The following HPSE2 variants were observed in gnomAD, a reference collection of about 807,000 sequenced individuals.
The protein encoded by HPSE2 is inactive heparanase-2.
Under a neutral mutation model 60.5 loss-of-function variants are expected in HPSE2, and 38 were observed. The observed-to-expected ratio is 0.63, with a 90% CI of 0.48 to 0.82. The LOEUF is 0.82. Ranked by LOEUF, HPSE2 falls within the 40% of genes least tolerant of loss-of-function variation. The pLI, the probability that HPSE2 is intolerant of heterozygous loss-of-function variation, is 0.00. For synonymous variants in HPSE2, 295 were observed against 293.2 expected (o/e 1.01, Z -0.06); for missense variants, 713 against 740.4 (o/e 0.96, Z 0.43).
intron 9 of HPSE2, among the ~76,000 whole-genome samples, chr10:98,539,483 T>A (rs912873060): frequency 1.3e-5 from 2 of 152,116 alleles, no homozygotes; most frequent in Non-Finnish European, 2.9e-5. Flanking sequence ...ATCACGCCAT[T>A]GCACTCCAGG....
chr10:98,778,468 G>A (rs1419407051), intron 3 of HPSE2, among the ~76,000 whole-genome samples: 4 of 152,154 alleles, frequency 2.6e-5, no homozygotes, highest in South Asian at 2.1e-4. Context: ...CAGTTAGTGC[G>A]GGATGTGAGG....
At chr10:98,568,618 T>C (rs1228588683) in intron 9 of HPSE2, among the ~76,000 whole-genome samples, 2 of 152,258 alleles carry the variant, frequency 1.3e-5, no homozygotes, top group Non-Finnish European at 2.9e-5. Flanking sequence ...AAACCCTGGT[T>C]GACTTCTCTT....
chr10:98,512,099 G>C (rs907504377), intron 9 of HPSE2, among the ~76,000 whole-genome samples: 1 of 152,242 alleles, frequency 6.6e-6, no homozygotes, highest in African/African-American at 2.4e-5. Context: ...GGATGCCAGA[G>C]CTAATGTGTG....
rs182893974 is a variant in HPSE2, at chr10:98,555,090, T to C, written c.1320+59814A>G. Reference sequence around the variant, plus strand: ...TTAAAATAACTTCCTATGCCACTAATGGCACATAGTCCATGCTTTAGGAGG... The same window carrying C: ...TTAAAATAACTTCCTATGCCACTAACGGCACATAGTCCATGCTTTAGGAGG... On this transcript the variant is annotated intron_variant, in intron 9 of 11. Coordinates refer to ENST00000370552, the MANE Select transcript of HPSE2 (RefSeq NM_021828.5). Among the ~76,000 whole-genome samples, 259 of 152,348 alleles carry C rather than the reference T, an allele frequency of 1.7e-3. 1 individual carries two copies. The highest frequency in any genetic ancestry group is 6.1e-3 in the African/African-American group (252 of 41,588).
intron 3 of HPSE2, among the ~76,000 whole-genome samples, chr10:98,804,507 A>G (rs1950995225): frequency 6.6e-6 from 1 of 152,132 alleles, no homozygotes; most frequent in African/African-American, 2.4e-5. Context: ...AGACATACAA[A>G]TGGCATACAG....
chr10:98,521,875 T>A (rs1942805170), intron 9 of HPSE2, among the ~76,000 whole-genome samples: 2 of 151,880 alleles, frequency 1.3e-5, no homozygotes, highest in East Asian at 3.9e-4. Context: ...CAGCAAACTA[T>A]CACAAGGACA....
At chr10:98,682,162 T>C (rs1947802654) in intron 6 of HPSE2, among the ~76,000 whole-genome samples, 2 of 152,166 alleles carry the variant, frequency 1.3e-5, no homozygotes, top group Non-Finnish European at 2.9e-5. Context: ...TTGTGATGGT[T>C]AGGGATTTCT....
intron 3 of HPSE2, among the ~76,000 whole-genome samples, chr10:98,988,320 G>C (rs1373869921): frequency 3.3e-5 from 5 of 152,426 alleles, no homozygotes; most frequent in Admixed American, 2.0e-4. Flanking sequence ...GAACAGAATA[G>C]AGCCCTCAGA....
Position 99,232,377 on chromosome 10 carries a change from G to A in HPSE2, c.419C>T (p.Pro140Leu), listed in dbSNP as rs967685128. The A allele has an allele frequency of 6.4e-7, 1 of 1,551,526 alleles. No homozygotes were observed. The highest frequency in any genetic ancestry group is 8.7e-7 in the Non-Finnish European group (1 of 1,146,996). Residue 140 changes from proline (P) to leucine (L), a missense_variant, in exon 2 of 12, where the codon CCG (proline) becomes CTG (leucine). Transcript: ENST00000370552. ...NPAKSRGGPG[P>L]DYYLKNYEDD... ...CTCATAGTTTTTGAGATAGTAATCC[G>A]GGCCCGGGCCCCCGCGGCTTTTCGC...
chr10:98,515,276 G>C lies in HPSE2; in HGVS notation c.1321-25080C>G, dbSNP rs79334966. On this transcript the variant is annotated intron_variant, in intron 9 of 11. Transcript: ENST00000370552. ...CCCTGGATCCTACCCTTTTCAAGCCGGCTGCTTTACCTTTTCTTCTCTGCT... is the reference window on the plus strand; with the variant it reads ...CCCTGGATCCTACCCTTTTCAAGCCCGCTGCTTTACCTTTTCTTCTCTGCT... 1.8e-3 allele frequency among the ~76,000 whole-genome samples: 269 copies of C among 152,112 alleles called. 1 individual carries two copies. The highest frequency in any genetic ancestry group is 6.1e-3 in the African/African-American group (254 of 41,494).
At chr10:98,875,909 TA>T (rs1952865110) in intron 3 of HPSE2, among the ~76,000 whole-genome samples, 2 of 151,970 alleles carry the variant, frequency 1.3e-5, no homozygotes, top group African/African-American at 4.8e-5. Flanking sequence ...TACAGAGTAA[TA>T]TACTACAGTA....
chr10:99,204,358 A>G (rs887476633), intron 2 of HPSE2, among the ~76,000 whole-genome samples: 1 of 152,246 alleles, frequency 6.6e-6, no homozygotes, highest in African/African-American at 2.4e-5. Flanking sequence ...CATCCCATGG[A>G]CCATGCCAGA....
intron 9 of HPSE2, among the ~76,000 whole-genome samples, chr10:98,491,535 C>T (rs1203566659): frequency 6.6e-6 from 1 of 152,180 alleles, no homozygotes; most frequent in Non-Finnish European, 1.5e-5. Context: ...GTGGTTTTCA[C>T]ATTGCAAGGG....
intron 3 of HPSE2, among the ~76,000 whole-genome samples, chr10:99,030,903 TCA>T (rs2135450528): frequency 6.6e-6 from 1 of 152,320 alleles, no homozygotes; most frequent in South Asian, 2.1e-4. Flanking sequence ...TCGCATGTTC[TCA>T]CTTATTTGTG....
chr10:98,621,767 G>A (rs1380446967), intron 7 of HPSE2, among the ~76,000 whole-genome samples: 5 of 152,210 alleles, frequency 3.3e-5, no homozygotes, highest in Non-Finnish European at 7.3e-5. Context: ...GCAGGCCTGA[G>A]TGCTGAGCAG....
At chr10:98,483,602 G>A (rs1227658299) in intron 10 of HPSE2, among the ~76,000 whole-genome samples, 3 of 152,126 alleles carry the variant, frequency 2.0e-5, no homozygotes, top group African/African-American at 7.2e-5. Flanking sequence ...TTTTCTTCCT[G>A]CCCTACTAAG....
intron 3 of HPSE2, among the ~76,000 whole-genome samples, chr10:99,039,312 G>C (rs961238734): frequency 1.3e-5 from 2 of 151,976 alleles, no homozygotes; most frequent in Non-Finnish European, 2.9e-5. Context: ...TAGATACATA[G>C]ATCTAAGTTT....
At chr10:99,268,926 C>T in the HPSE2 span, among the ~76,000 whole-genome samples, 1 of 151,518 alleles carries the variant, frequency 6.6e-6, no homozygotes, top group African/African-American at 2.4e-5. Flanking sequence ...GAGGCCGAGG[C>T]GGGTGGATCA....
At chr10:99,193,617 C>T (rs959124621) in intron 2 of HPSE2, among the ~76,000 whole-genome samples, 4 of 151,566 alleles carry the variant, frequency 2.6e-5, no homozygotes, top group African/African-American at 9.7e-5. Flanking sequence ...TGGAAACCAA[C>T]GAAGAGCAAG....
Sources: gnomAD v4.1 joint callset for allele counts (sites outside exome capture counted in the v4.1 genomes callset) on GRCh38, gnomAD v4.1.1 for gene constraint, MANE v1.5 for transcripts, NCBI Gene and HGNC (gene_info 2026-07-23, HGNC 2026-07-21) for gene names.